SEMA5B: variants seen among roughly 807,000 people sequenced by gnomAD.
The protein encoded by SEMA5B is semaphorin-5B.
Under a neutral mutation model 135.0 loss-of-function variants are expected in SEMA5B, and 66 were observed. That is an observed-to-expected ratio of 0.49 (90% CI 0.40 to 0.60). The LOEUF (loss-of-function observed/expected upper bound fraction) is 0.60. Ranked by LOEUF, SEMA5B falls within the 20% of genes least tolerant of loss-of-function variation. The probability of loss-of-function intolerance (pLI) is 0.00; values close to 1 mark genes in which losing one functional copy is unlikely to be tolerated. For synonymous variants in SEMA5B, 690 were observed against 639.5 expected (o/e 1.08, Z -1.19); for missense variants, 1,501 against 1,566.3 (o/e 0.96, Z 0.70).
In SEMA5B at chr3:122,909,803, C is replaced by T; in HGVS notation, c.*340G>A. The T allele has an allele frequency of 4.7e-6, 1 of 210,586 alleles. No individual in the cohort carries two copies. Among genetic ancestry groups the T allele is most frequent in the South Asian group, 1.6e-4 (1 of 6,134 alleles). 13.0% of individuals were successfully genotyped at this position (210,586 alleles called of 1,614,324 possible). ...GTTGTCTCCAACCCAAACTTAAAAG[C>T]CTGCCCTCTTGCCATCTCCATTCTC... On this transcript the variant is annotated 3_prime_UTR_variant, in exon 23 of 23. Transcript: ENST00000357599.
chr3:122,969,342 G>T (rs889551967), intron 1 of SEMA5B, among the ~76,000 whole-genome samples: 1 of 152,162 alleles, frequency 6.6e-6, no homozygotes, highest in Non-Finnish European at 1.5e-5. Context: ...GAAGGTGAAG[G>T]TGCTCTCTCC....
At chr3:122,934,809 A>G (rs1051400490) in intron 5 of SEMA5B, among the ~76,000 whole-genome samples, 6 of 148,468 alleles carry the variant, frequency 4.0e-5, no homozygotes, top group African/African-American at 1.5e-4. Flanking sequence ...TGAGGCCAAG[A>G]GTTGGAGGCT....
intron 4 of SEMA5B, among the ~76,000 whole-genome samples, chr3:122,942,700 G>C (rs536008087): frequency 2.0e-5 from 3 of 152,236 alleles, no homozygotes; most frequent in East Asian, 3.9e-4. Flanking sequence ...CACCTGGAAG[G>C]GTTGCTAAAA....
At chr3:122,916,407 C>T (rs1472890544) in intron 12 of SEMA5B, among the ~76,000 whole-genome samples, 4 of 152,216 alleles carry the variant, frequency 2.6e-5, no homozygotes, top group Admixed American at 6.5e-5. Flanking sequence ...GCTTTCAAAA[C>T]ATACCAATAC....
Position 122,915,471 on chromosome 3 carries a change from C to T in SEMA5B, c.1957G>A (p.Gly653Arg), listed in dbSNP as rs1262424542. The change falls in exon 14 of 23, where the codon GGG becomes AGG. Residue 653 changes from glycine to arginine, a missense_variant. This residue lies in a region of SEMA5B where 927 missense variants were observed against 881.6 expected (regional missense o/e 1.05). Coordinates refer to ENST00000357599, the MANE Select transcript of SEMA5B (RefSeq NM_001031702.4). ...CAGTTGGCGATGTGGATGGCTGGCC[C>T]CAGGCAGTCAAGGCCCCCACAGCGG... ...RPRCGGLDCL[G>R]PAIHIANCSR... 1.2e-6 allele frequency: 2 copies of T among 1,613,206 alleles called. No homozygotes were observed. Among genetic ancestry groups the T allele is most frequent in the South Asian group, 1.1e-5 (1 of 90,910 alleles).
intron 1 of SEMA5B, among the ~76,000 whole-genome samples, chr3:123,017,630 A>G (rs1942592127): frequency 6.6e-6 from 1 of 152,250 alleles, no homozygotes; most frequent in Non-Finnish European, 1.5e-5. Context: ...CAGGTTGGCC[A>G]GGCGCAGTGG....
chr3:122,945,958 T>C (rs1939774542), intron 3 of SEMA5B, among the ~76,000 whole-genome samples: 1 of 151,568 alleles, frequency 6.6e-6, no homozygotes, highest in Non-Finnish European at 1.5e-5. Flanking sequence ...AGCACGGGGA[T>C]CCTAGGGGGG....
chr3:122,962,688 A>G (rs1940638685), intron 1 of SEMA5B, among the ~76,000 whole-genome samples: 1 of 152,200 alleles, frequency 6.6e-6, no homozygotes, highest in Non-Finnish European at 1.5e-5. Context: ...TAACACATAA[A>G]GGGATGCTTG....
rs371457730 is a variant in SEMA5B, at chr3:122,931,862, C to T, written c.475-2804G>A. 7.2e-5 allele frequency among the ~76,000 whole-genome samples: 11 copies of T among 152,326 alleles called. 2 individuals carry two copies. The highest frequency in any genetic ancestry group is 6.5e-5 in the Admixed American group (1 of 15,296). On this transcript the variant is annotated intron_variant, in intron 5 of 22. Transcript: ENST00000357599. ...GACACACCAGGACTCACATTCTTCC[C>T]TCATGTGATCCTAAAATGGTTTGTG...
At chr3:122,964,170 T>A (rs537616422) in intron 1 of SEMA5B, among the ~76,000 whole-genome samples, 1 of 151,992 alleles carries the variant, frequency 6.6e-6, no homozygotes, top group Non-Finnish European at 1.5e-5. Context: ...GGTCCTACAA[T>A]TTCCCCAAAT....
At chr3:122,920,256 C>G (rs1938283311) in intron 12 of SEMA5B, among the ~76,000 whole-genome samples, 1 of 152,246 alleles carries the variant, frequency 6.6e-6, no homozygotes, top group Admixed American at 6.5e-5. Context: ...CTGCGCCAAA[C>G]TCCTCTCACG....
chr3:123,011,450 T>C (rs925488382), intron 1 of SEMA5B, among the ~76,000 whole-genome samples: 2 of 152,180 alleles, frequency 1.3e-5, no homozygotes, highest in Non-Finnish European at 2.9e-5. Context: ...TTTACCCACA[T>C]TCCCTGTGCA....
chr3:123,021,167 C>T (rs1168996889), intron 1 of SEMA5B, among the ~76,000 whole-genome samples: 1 of 152,208 alleles, frequency 6.6e-6, no homozygotes, highest in African/African-American at 2.4e-5. Flanking sequence ...AAAGAAAGCC[C>T]GGATCCCGGG....
Position 122,923,679 on chromosome 3 carries a change from G to T in SEMA5B, c.1210C>A (p.Arg404Ser). 6.2e-7 allele frequency: 1 copy of T among 1,614,086 alleles called. No homozygotes were observed. Among genetic ancestry groups the T allele is most frequent in the Admixed American group, 1.7e-5 (1 of 60,026 alleles). ...AISQAFNGPF[R>S]YQENPRAAWL... ...GCAGCCCTGGGGTTCTCCTGGTAGC[G>T]AAATGGGCCATTGAAAGCCTGGGAG... The change falls in exon 10 of 23, where the codon CGC becomes AGC. Residue 404 changes from arginine (R) to serine (S), a missense_variant. Physicochemically the swap from Arg to Ser is moderately radical, Grantham distance 110. Transcript: ENST00000357599.
intron 1 of SEMA5B, among the ~76,000 whole-genome samples, chr3:123,017,381 C>G (rs1160364079): frequency 6.6e-6 from 1 of 152,010 alleles, no homozygotes; most frequent in Non-Finnish European, 1.5e-5. Flanking sequence ...GGGAAAGGAA[C>G]TTATACAAAA....
chr3:123,016,123 G>C (rs917287419), intron 1 of SEMA5B, among the ~76,000 whole-genome samples: 9 of 152,330 alleles, frequency 5.9e-5, no homozygotes, highest in Middle Eastern at 3.4e-3. Flanking sequence ...CAGGGAGTGA[G>C]GGAGCTGGCA....
At chr3:122,927,720 G>A (rs1032843652) in intron 8 of SEMA5B, 70 bp downstream of exon 8, 4 of 1,160,238 alleles carry the variant, frequency 3.4e-6, no homozygotes, top group East Asian at 2.9e-5. Context: ...AGGATGAATG[G>A]GGGGCTCAGG....
At chr3:122,939,312 C>T in intron 5 of SEMA5B, 113 bp downstream of exon 5, 2 of 821,138 alleles carry the variant, frequency 2.4e-6, no homozygotes, top group Non-Finnish European at 4.2e-6. Flanking sequence ...GAACAAGTGG[C>T]TCCTGTTTTC....
At chr3:122,999,626 G>T (rs943978520) in intron 1 of SEMA5B, among the ~76,000 whole-genome samples, 1 of 151,984 alleles carries the variant, frequency 6.6e-6, no homozygotes, top group Non-Finnish European at 1.5e-5. Context: ...CTACCTCCTG[G>T]GGCTGAGGGC....
Sources: gnomAD v4.1 joint callset for allele counts (sites outside exome capture counted in the v4.1 genomes callset) on GRCh38, gnomAD v4.1.1 for gene constraint, gnomAD v4.1.1 regional missense constraint, MANE v1.5 for transcripts, NCBI Gene and HGNC (gene_info 2026-07-23, HGNC 2026-07-21) for gene names.